Variants in CARMIL1 observed in about 807,000 individuals in gnomAD.
CARMIL1 encodes the protein F-actin-uncapping protein LRRC16A.
In CARMIL1, 90 loss-of-function variants were observed where a neutral mutation model predicts 177.1. That is an observed-to-expected ratio of 0.51 (90% CI 0.43 to 0.61). The LOEUF is 0.61. Ranked by LOEUF, CARMIL1 falls within the 20% of genes least tolerant of loss-of-function variation. CARMIL1 has a pLI of 0.00. For synonymous variants in CARMIL1, 577 were observed against 606.2 expected, an observed-to-expected ratio of 0.95 and a Z score of 0.71; for missense variants, 1,380 against 1,667.0, an observed-to-expected ratio of 0.83 and a Z score of 3.00.
intron 23 of CARMIL1, among the ~76,000 whole-genome samples, chr6:25,521,428 G>A (rs779724424): frequency 2.0e-5 from 3 of 152,186 alleles, no homozygotes; most frequent in Admixed American, 6.5e-5. Context: ...TTTGTGAGCA[G>A]CCTCTGTACC....
intron 27 of CARMIL1, among the ~76,000 whole-genome samples, chr6:25,551,463 C>T (rs572865763): frequency 3.9e-5 from 6 of 152,264 alleles, no homozygotes; most frequent in Non-Finnish European, 5.9e-5. Flanking sequence ...TGAACAAATG[C>T]ACAGCCTCTA....
At chr6:25,313,585 A>T (rs1429141491) in intron 2 of CARMIL1, among the ~76,000 whole-genome samples, 1 of 151,050 alleles carries the variant, frequency 6.6e-6, no homozygotes, top group Non-Finnish European at 1.5e-5. Flanking sequence ...GGCCAGGGCC[A>T]CCGCTAACTA....
At chr6:25,352,230 T>C (rs554270121) in intron 2 of CARMIL1, among the ~76,000 whole-genome samples, 4 of 151,664 alleles carry the variant, frequency 2.6e-5, no homozygotes, top group Non-Finnish European at 4.4e-5. Flanking sequence ...CAATGGAGGA[T>C]GGGAGCAGTC....
At chr6:25,584,215 T>A (rs141892719) in intron 31 of CARMIL1, among the ~76,000 whole-genome samples, 26 of 150,990 alleles carry the variant, frequency 1.7e-4, no homozygotes, top group African/African-American at 5.8e-4. Flanking sequence ...TTAAATATTT[T>A]TTTTTGTAGA....
At position 25,554,923 on chromosome 6, in the gene CARMIL1, G is replaced by A. The variant is rs931019090; in HGVS notation, c.2592+827G>A. ...GAGGAGCAGCAATAGCTTCTTCTGCGTGAAACAGACAAAATGCATGTTTTT... is the reference window on the plus strand; with the variant it reads ...GAGGAGCAGCAATAGCTTCTTCTGCATGAAACAGACAAAATGCATGTTTTT... On this transcript the variant is annotated intron_variant, in intron 28 of 36. Coordinates refer to ENST00000329474, the MANE Select transcript of CARMIL1 (RefSeq NM_017640.6). This position sits in a 1 kb window ranked among gnomAD's most constrained non-coding sequence, Gnocchi z 4.6. 2.0e-5 allele frequency among the ~76,000 whole-genome samples: 3 copies of A among 152,142 alleles called. No homozygotes were observed. Among genetic ancestry groups the A allele is most frequent in the East Asian group, 3.9e-4 (2 of 5,194 alleles).
In CARMIL1 at chr6:25,556,870, G is replaced by C; in HGVS notation, c.2742+20G>C. 2 of 1,610,520 alleles carry C rather than the reference G, an allele frequency of 1.2e-6. No individual in the cohort carries two copies. Among genetic ancestry groups the C allele is most frequent in the South Asian group, 2.2e-5 (2 of 90,918 alleles). The stretch of plus-strand genomic sequence containing the variant: ...TGTATGGTAAGACACATCCTCTGGT[G>C]GTACCGTTACCCTTTTCACTGGACT... On this transcript the variant is annotated intron_variant, in intron 29 of 36. Transcript: ENST00000329474.
intron 2 of CARMIL1, among the ~76,000 whole-genome samples, chr6:25,388,603 A>G (rs1025215304): frequency 6.6e-5 from 10 of 152,042 alleles, no homozygotes; most frequent in African/African-American, 2.4e-4. Context: ...TGACCTTGTG[A>G]TCCACCTGCC....
At chr6:25,519,559 A>G (rs1452254075) in intron 22 of CARMIL1, among the ~76,000 whole-genome samples, 1 of 152,210 alleles carries the variant, frequency 6.6e-6, no homozygotes, top group Non-Finnish European at 1.5e-5. Flanking sequence ...ATATACAGCA[A>G]TCAACAGTTG....
intron 31 of CARMIL1, among the ~76,000 whole-genome samples, chr6:25,594,042 C>T (rs774653311): frequency 3.9e-5 from 6 of 151,922 alleles, no homozygotes; most frequent in Non-Finnish European, 8.8e-5. Flanking sequence ...GCCCTGGAGT[C>T]ATCACCACTC....
At position 25,435,533 on chromosome 6, in the gene CARMIL1, C is replaced by T. The variant is rs769949503; in HGVS notation, c.300C>T (p.Pro100=). 1.7e-5 allele frequency: 27 copies of T among 1,555,022 alleles called. No individual in the cohort carries two copies. The highest frequency in any genetic ancestry group is 2.7e-5 in the African/African-American group (2 of 73,300). ...KCSISMKMAS[P]EDVSEVLAHI... ...GCATTTCCATGAAGATGGCGTCACCCGAGGACGTGAGTGAGGTGCTGGCTC... is the reference window on the plus strand; with the variant it reads ...GCATTTCCATGAAGATGGCGTCACCTGAGGACGTGAGTGAGGTGCTGGCTC... The change falls in exon 5 of 37, where the codon CCC becomes CCT. Residue 100 remains proline (P), a synonymous_variant. Coordinates refer to ENST00000329474, the MANE Select transcript of CARMIL1 (RefSeq NM_017640.6).
Position 25,594,547 on chromosome 6 carries a change from A to C in CARMIL1, c.3119+20A>C. ...TTCCAAGTGAGTTCAGAGTAATTTC[A>C]CTGATAATGCTATTTTATTCATATT... is the stretch of plus-strand genomic sequence containing the variant. On this transcript the variant is annotated intron_variant, in intron 32 of 36. Coordinates refer to ENST00000329474, the MANE Select transcript of CARMIL1 (RefSeq NM_017640.6). 1.3e-5 allele frequency: 17 copies of C among 1,268,728 alleles called. No individual in the cohort carries two copies. Among genetic ancestry groups the C allele is most frequent in the Non-Finnish European group, 1.8e-5 (16 of 870,330 alleles). The allele number at this position is 1,268,728 out of a possible 1,614,324, so 78.6% of individuals were successfully genotyped here.
intron 1 of CARMIL1, among the ~76,000 whole-genome samples, chr6:25,281,706 T>G (rs551064273): frequency 6.6e-6 from 1 of 152,294 alleles, no homozygotes; most frequent in Admixed American, 6.5e-5. Context: ...CTGCACCTGC[T>G]TTCCTCTAAA....
intron 29 of CARMIL1, among the ~76,000 whole-genome samples, chr6:25,574,751 G>T (rs1307910015): frequency 6.6e-6 from 1 of 152,130 alleles, no homozygotes; most frequent in Non-Finnish European, 1.5e-5. Context: ...TTTGAGACAT[G>T]TTCATGTTGC....
At chr6:25,601,409 G>A (rs565491719) in intron 33 of CARMIL1, among the ~76,000 whole-genome samples, 2 of 152,190 alleles carry the variant, frequency 1.3e-5, no homozygotes, top group Admixed American at 1.3e-4. Flanking sequence ...CACATCTGGG[G>A]GAAAAGACAG....
intron 31 of CARMIL1, among the ~76,000 whole-genome samples, chr6:25,588,570 G>A (rs1438009102): frequency 6.6e-6 from 1 of 152,186 alleles, no homozygotes; most frequent in Non-Finnish European, 1.5e-5. Context: ...CCTAACTGCA[G>A]GTGAGCATTC....
chr6:25,469,353 A>G (rs1800898999), intron 9 of CARMIL1, among the ~76,000 whole-genome samples: 1 of 152,210 alleles, frequency 6.6e-6, no homozygotes, highest in South Asian at 2.1e-4. Context: ...CCAGTTGGGT[A>G]TTTGTGATCT....
intron 2 of CARMIL1, among the ~76,000 whole-genome samples, chr6:25,344,344 C>T (rs1787279184): frequency 6.6e-6 from 1 of 152,140 alleles, no homozygotes; most frequent in Non-Finnish European, 1.5e-5. Context: ...GCTTGGAGTC[C>T]ACGATCAACC....
intron 2 of CARMIL1, among the ~76,000 whole-genome samples, chr6:25,389,822 T>C (rs1429044199): frequency 5.3e-5 from 8 of 152,156 alleles, no homozygotes; most frequent in African/African-American, 1.9e-4. Context: ...CAGAATACAG[T>C]TTAGGAATGA....
chr6:25,347,466 A>G (rs141913667), intron 2 of CARMIL1, among the ~76,000 whole-genome samples: 1 of 152,222 alleles, frequency 6.6e-6, no homozygotes. Flanking sequence ...CCTTAGTGTC[A>G]TAGTTAACCA....
Sources: allele counts gnomAD v4.1 joint callset (sites outside exome capture counted in the v4.1 genomes callset), GRCh38; gene constraint gnomAD v4.1.1; non-coding constraint Gnocchi (gnomAD v3.1); transcripts MANE v1.5; gene names NCBI Gene and HGNC (gene_info 2026-07-23, HGNC 2026-07-21).